The following PDE4DIP variants were observed in gnomAD, a reference collection of about 807,000 sequenced individuals.
The protein encoded by PDE4DIP is myomegalin.
Under a neutral mutation model 221.4 loss-of-function variants are expected in PDE4DIP, and 59 were observed. The observed-to-expected ratio is 0.27, with a 90% confidence interval of 0.22 to 0.33. The LOEUF (loss-of-function observed/expected upper bound fraction) is 0.33. PDE4DIP is among the 10% of genes least tolerant of loss of function. PDE4DIP has a pLI of 1.00. For missense variants in PDE4DIP, 1,036 were observed against 2,154.2 expected (o/e 0.48, Z 10.28); for synonymous variants, 404 against 815.9 (o/e 0.50, Z 8.60).
At chr1:148,963,822 C>T (rs587686884) in intron 9 of PDE4DIP, among the ~76,000 whole-genome samples, 5 of 118,712 alleles carry the variant, frequency 4.2e-5, no homozygotes, top group South Asian at 6.4e-4. Context: ...GGCGCGATCT[C>T]GGCTCGCTGC....
At chr1:148,992,406 A>G (rs1447083981) in intron 22 of PDE4DIP, 2 of 1,452,688 alleles carry the variant, frequency 1.4e-6, no homozygotes, top group African/African-American at 2.9e-5. Context: ...AGAAACTCCA[A>G]GAAGATTGGA....
intron 1 of PDE4DIP, among the ~76,000 whole-genome samples, chr1:148,927,408 T>G (rs2046961650): frequency 6.6e-6 from 1 of 152,054 alleles, no homozygotes; most frequent in Non-Finnish European, 1.5e-5. Context: ...AGCTCTAAAA[T>G]TCTTTAATTC....
chr1:148,829,048 T>A (rs12140621), intron 1 of PDE4DIP, among the ~76,000 whole-genome samples: 9 of 143,146 alleles, frequency 6.3e-5, no homozygotes, highest in South Asian at 2.2e-4. Flanking sequence ...ACACACACAC[T>A]CACACACACA....
chr1:148,870,249 A>G (rs1688725886), intron 3 of PDE4DIP: 1 of 374,292 alleles, frequency 2.7e-6, no homozygotes, highest in African/African-American at 4.7e-5. Context: ...GGGGGAAGCA[A>G]GGATGCTAAC....
At position 148,899,043 on chromosome 1, in the gene PDE4DIP, G is replaced by T. The variant is rs1402680593; in HGVS notation, c.141+9149G>T. 4.5e-5 allele frequency among the ~76,000 whole-genome samples: 5 copies of T among 109,892 alleles called. 1 individual carries two copies. In the South Asian group the frequency reaches 1.1e-3, roughly 24 times the overall value. 72.1% of individuals were successfully genotyped at this position (109,892 alleles called of 152,430 possible). A position where few individuals can be genotyped will look rare whatever the true frequency, so the allele number is the denominator to read the frequency against. ...GATGGGGTTTCGCCATGCTGGCCAG[G>T]GTGGTCTCAAACTCCTTACCTCAGG... is the stretch of plus-strand genomic sequence containing the variant. On this transcript the variant is annotated intron_variant, in intron 1 of 43. Coordinates refer to ENST00000369354, the Ensembl canonical transcript of PDE4DIP.
intron 43 of PDE4DIP, 80 bp from the exon 47 acceptor site, chr1:149,031,864 G>A (rs1418192758): frequency 2.9e-6 from 4 of 1,381,318 alleles, no homozygotes; most frequent in Non-Finnish European, 4.0e-6. Flanking sequence ...TCACCACGTA[G>A]CTCTCACTCC....
At chr1:148,984,589 T>G (rs1245657978) in intron 21 of PDE4DIP, 1 of 152,110 alleles carries the variant, frequency 6.6e-6, no homozygotes, top group Non-Finnish European at 1.5e-5. Flanking sequence ...TCATGAGATG[T>G]TTGGTTCATA....
At chr1:148,982,339 G>T (rs1395556547) in intron 21 of PDE4DIP, 1 of 152,078 alleles carries the variant, frequency 6.6e-6, no homozygotes, top group Non-Finnish European at 1.5e-5. Flanking sequence ...CCAGAAGAGG[G>T]TATTGCTTCT....
At chr1:148,940,715 C>G (rs1553479081) in intron 5 of PDE4DIP, among the ~76,000 whole-genome samples, 1 of 150,338 alleles carries the variant, frequency 6.7e-6, no homozygotes, top group African/African-American at 2.5e-5. Flanking sequence ...TTGGTCCTCT[C>G]AAGTGTGGAG....
intron 37 of PDE4DIP, among the ~76,000 whole-genome samples, chr1:149,022,616 TG>T (rs2073371599): frequency 6.6e-6 from 1 of 152,146 alleles, no homozygotes; most frequent in African/African-American, 2.4e-5. Context: ...GTTGGGTCAG[TG>T]GGACCAGCCT....
intron 6 of PDE4DIP, among the ~76,000 whole-genome samples, chr1:148,960,991 G>A (rs2056788222): frequency 6.6e-6 from 1 of 152,078 alleles, no homozygotes; most frequent in African/African-American, 2.4e-5. Flanking sequence ...ATAATTTCTG[G>A]TGCTTTTCAG....
chr1:148,979,965 G>T lies in PDE4DIP; in HGVS notation c.2687+116G>T. ...CAGATGCTTATGATACTGAAGAGGG[G>T]AGAAAAAAGAGGGACAATTACCGGG... On this transcript the variant is annotated intron_variant, in intron 20 of 43. Transcript: ENST00000369354. 5.3e-6 allele frequency: 7 copies of T among 1,323,898 alleles called. No individual in the cohort carries two copies. In the South Asian group the frequency reaches 6.6e-5, roughly 12 times the overall value. The allele number at this position is 1,323,898 out of a possible 1,614,324, so 82.0% of individuals were successfully genotyped here.
intron 20 of PDE4DIP, among the ~76,000 whole-genome samples, chr1:148,980,807 G>A (rs1215231880): frequency 3.3e-5 from 5 of 152,298 alleles, no homozygotes; most frequent in African/African-American, 1.2e-4. Flanking sequence ...TTATGAACCA[G>A]ATTCCTTTTC....
exon 42 of PDE4DIP, chr1:149,029,846 A>G (rs3851873): frequency 0.054 from 86,363 of 1,598,386 alleles, 7,273 homozygotes; most frequent in East Asian, 0.48. Flanking sequence ...AACAGGAGCG[A>G]CTCCTTCAGA....
chr1:149,031,838 G>T, intron 43 of PDE4DIP, 106 bp from the exon 47 acceptor site: 2 of 1,021,146 alleles, frequency 2.0e-6, no homozygotes, highest in Non-Finnish European at 3.0e-6. Context: ...GGCTCTCACC[G>T]TGCTCCTGGC....
intron 4 of PDE4DIP, among the ~76,000 whole-genome samples, chr1:148,933,723 C>A (rs1280975104): frequency 1.3e-5 from 2 of 152,124 alleles, no homozygotes; most frequent in African/African-American, 4.8e-5. Context: ...CATGGCAGAG[C>A]CATTTAAGAA....
chr1:148,975,786 A>G (rs1158674721), intron 17 of PDE4DIP, among the ~76,000 whole-genome samples: 22 of 152,140 alleles, frequency 1.4e-4, no homozygotes, highest in South Asian at 8.3e-4. Context: ...AGATCACTCA[A>G]TGTCATGGCT....
At chr1:149,028,229 A>C (rs11484543) in intron 40 of PDE4DIP, among the ~76,000 whole-genome samples, 11 of 150,626 alleles carry the variant, frequency 7.3e-5, no homozygotes, top group African/African-American at 1.5e-4. Flanking sequence ...AAGCACAGTA[A>C]GGGGCTACAG....
chr1:148,820,686 TCTTTG>T (rs1233881134), intron 1 of PDE4DIP, among the ~76,000 whole-genome samples: 963 of 147,764 alleles, frequency 6.5e-3, no homozygotes, highest in African/African-American at 0.022. Flanking sequence ...ATTCCTCCCT[TCTTTG>T]GACAATAACC....
Sources: allele counts gnomAD v4.1 joint callset (sites outside exome capture counted in the v4.1 genomes callset), GRCh38; gene constraint gnomAD v4.1.1; transcripts MANE v1.5; gene names NCBI Gene and HGNC (gene_info 2026-07-23, HGNC 2026-07-21).